Variants in INTS4 observed in about 807,000 individuals in gnomAD.
INTS4 encodes MSTP093.
INTS4 carries 70 observed loss-of-function variants against 119.5 expected under a neutral mutation model. The ratio of observed to expected loss-of-function variants is 0.59; its 90% CI spans 0.48 to 0.71. INTS4 has a LOEUF of 0.71. Among genes scored for constraint, INTS4 ranks in the 30% least tolerant of loss-of-function variants. The pLI is 0.00. For missense variants in INTS4, 867 were observed against 1,173.2 expected, an observed-to-expected ratio of 0.74 and a Z score of 3.81; for synonymous variants, 316 against 419.6, an observed-to-expected ratio of 0.75 and a Z score of 3.02.
At chr11:77,905,849 T>C (rs886701708) in intron 16 of INTS4, among the ~76,000 whole-genome samples, 7 of 152,208 alleles carry the variant, frequency 4.6e-5, no homozygotes, top group African/African-American at 1.7e-4. Context: ...AATTTCTTTA[T>C]AAATATGGCT....
chr11:77,994,538 G>A, intron 1 of INTS4, 52 bp downstream of exon 1: 1 of 1,420,458 alleles, frequency 7.0e-7, no homozygotes, highest in Non-Finnish European at 1.0e-6. Flanking sequence ...CTGGGATTTG[G>A]ATAATCTACC....
intron 8 of INTS4, among the ~76,000 whole-genome samples, chr11:77,949,863 C>T (rs1197962276): frequency 6.6e-6 from 1 of 152,144 alleles, no homozygotes; most frequent in Non-Finnish European, 1.5e-5. Flanking sequence ...AATCCCATTA[C>T]TGGGTATATA....
chr11:77,874,544 A>G (rs1179560672), downstream of INTS4, among the ~76,000 whole-genome samples: 2 of 152,158 alleles, frequency 1.3e-5, no homozygotes, highest in African/African-American at 4.8e-5. Flanking sequence ...TTTTAAGAAA[A>G]CCTGCTAATA....
intron 21 of INTS4, among the ~76,000 whole-genome samples, chr11:77,887,879 C>T (rs1251743252): frequency 6.6e-6 from 1 of 152,074 alleles, no homozygotes; most frequent in South Asian, 2.1e-4. Context: ...ATGTGAAGGA[C>T]CTCTTCAAGG....
chr11:77,927,012 G>A (rs1334968893), intron 11 of INTS4, among the ~76,000 whole-genome samples: 2 of 152,168 alleles, frequency 1.3e-5, no homozygotes, highest in African/African-American at 2.4e-5. Context: ...AGTTAGGGAA[G>A]GCTTCCTGGA....
Position 77,941,137 on chromosome 11 carries a change from T to A in INTS4, c.990+43A>T, listed in dbSNP as rs557065981. The A allele has an allele frequency of 1.4e-5, 23 of 1,603,192 alleles. No individual in the cohort carries two copies. In the East Asian group the frequency reaches 2.5e-4, roughly 17 times the overall value. ...AACTCAGCATACTGCCCCACTACAT[T>A]GGTTACAGAAACCCACTTTAAACAA... On this transcript the variant is annotated intron_variant, in intron 9 of 22. Coordinates refer to ENST00000534064, the MANE Select transcript of INTS4 (RefSeq NM_033547.4).
At chr11:77,961,201 T>G in intron 4 of INTS4, 63 bp from the exon 5 acceptor site, 1 of 1,460,364 alleles carries the variant, frequency 6.8e-7, no homozygotes, top group Non-Finnish European at 9.0e-7. Flanking sequence ...TTAAGATATC[T>G]TAACAAACAC....
intron 8 of INTS4, among the ~76,000 whole-genome samples, chr11:77,951,687 T>A (rs1954199575): frequency 2.0e-5 from 3 of 152,086 alleles, no homozygotes. Context: ...CTAAAGAGCT[T>A]GTGCACAGCA....
At chr11:77,965,218 C>CT (rs770939505) in intron 4 of INTS4, among the ~76,000 whole-genome samples, 7 of 152,030 alleles carry the variant, frequency 4.6e-5, no homozygotes, top group African/African-American at 1.7e-4. Flanking sequence ...TGCCCAGCTA[C>CT]TTTTTTTACT....
chr11:77,954,302 T>A (rs1410505371), intron 8 of INTS4, among the ~76,000 whole-genome samples: 10 of 152,118 alleles, frequency 6.6e-5, no homozygotes, highest in Admixed American at 3.3e-4. Context: ...AATTTTTTTT[T>A]AATTTTTTAA....
At chr11:77,961,472 C>T (rs572541295) in intron 4 of INTS4, among the ~76,000 whole-genome samples, 11 of 152,112 alleles carry the variant, frequency 7.2e-5, no homozygotes, top group Admixed American at 7.2e-4. Context: ...ATTTTAAAAC[C>T]AGACAAAAAT....
chr11:77,980,738 T>C lies in INTS4; in HGVS notation c.364+721A>G, dbSNP rs533759078. Reference sequence around the variant, plus strand: ...GGGCACAGTGGCTCACGCCTGTAATTCCAGCACTTTGGGAGGCTGAAGTGG... The same window carrying C: ...GGGCACAGTGGCTCACGCCTGTAATCCCAGCACTTTGGGAGGCTGAAGTGG... On this transcript the variant is annotated intron_variant, in intron 3 of 22. Transcript: ENST00000534064. Among the ~76,000 whole-genome samples, 94 of 152,196 alleles carry C rather than the reference T, an allele frequency of 6.2e-4. 1 individual carries two copies. The highest frequency in any genetic ancestry group is 1.2e-3 in the Non-Finnish European group (79 of 68,010).
At chr11:77,924,114 G>C (rs767697807) in intron 12 of INTS4, among the ~76,000 whole-genome samples, 1 of 148,476 alleles carries the variant, frequency 6.7e-6, no homozygotes, top group Non-Finnish European at 1.5e-5. Flanking sequence ...AAATAATAAG[G>C]CCAGGCACAG....
rs1178122092 is a variant in INTS4 at position 77,886,543 on chromosome 11, C to G, written c.2593-2591G>C. ...AAACGGCGGGAGTAACTATGACTCT[C>G]TTAAGGTAGCCAAATGCCTTGTCAT... On this transcript the variant is annotated intron_variant, in intron 21 of 22. Coordinates refer to ENST00000534064, the MANE Select transcript of INTS4 (RefSeq NM_033547.4). Among the ~76,000 whole-genome samples the G allele has an allele frequency of 2.6e-5, 4 of 152,196 alleles. No homozygotes were observed. The East Asian group carries it at 5.8e-4, about 22-fold the overall frequency.
At chr11:77,889,840 G>A (rs1045100878) in intron 21 of INTS4, among the ~76,000 whole-genome samples, 6 of 152,318 alleles carry the variant, frequency 3.9e-5, no homozygotes, top group African/African-American at 1.4e-4. Flanking sequence ...GCGTGTGGTA[G>A]AGGTGCTATG....
rs112286278 is a variant in INTS4, at chr11:77,973,334, G to T, written c.471+5662C>A. Among the ~76,000 whole-genome samples, 871 of 152,244 alleles carry T rather than the reference G, an allele frequency of 5.7e-3. 8 individuals carry two copies. The highest frequency in any genetic ancestry group is 0.02 in the African/African-American group (823 of 41,536). ...TTCCCTAAGATTTTCTACATACAAG[G>T]TTATGTCACCTGTGAATACGGGGAG... On this transcript the variant is annotated intron_variant, in intron 4 of 22. Transcript: ENST00000534064.
At chr11:77,932,969 G>A (rs578188673) in intron 10 of INTS4, among the ~76,000 whole-genome samples, 2 of 106,892 alleles carry the variant, frequency 1.9e-5, no homozygotes, top group Admixed American at 1.0e-4. Flanking sequence ...GGGGTGGGGG[G>A]CTGGGGGAGG....
intron 8 of INTS4, among the ~76,000 whole-genome samples, chr11:77,949,184 G>A (rs1954125451): frequency 6.6e-6 from 1 of 152,166 alleles, no homozygotes; most frequent in Non-Finnish European, 1.5e-5. Flanking sequence ...AGGACATCAT[G>A]TAAAGTGAAA....
intron 2 of INTS4, among the ~76,000 whole-genome samples, chr11:77,990,098 G>A (rs1856609059): frequency 6.6e-6 from 1 of 151,266 alleles, no homozygotes. Context: ...ACACACCTGC[G>A]GTCCTAGCCA....
Sources: allele counts gnomAD v4.1 joint callset (sites outside exome capture counted in the v4.1 genomes callset), GRCh38; gene constraint gnomAD v4.1.1; transcripts MANE v1.5; gene names NCBI Gene and HGNC (gene_info 2026-07-23, HGNC 2026-07-21).